BLTP3A: variants seen among roughly 807,000 people sequenced by gnomAD.
BLTP3A encodes the protein ICBP90 binding protein 1.
At chr6:34,808,105 A>C in the BLTP3A span, among the ~76,000 whole-genome samples, 24 of 152,032 alleles carry the variant, frequency 1.6e-4, no homozygotes, top group African/African-American at 5.8e-4. Flanking sequence ...GTACTTTGGG[A>C]GGCCGAGGCG....
At chr6:34,800,033 G>A in the BLTP3A span, among the ~76,000 whole-genome samples, 1 of 151,278 alleles carries the variant, frequency 6.6e-6, no homozygotes, top group African/African-American at 2.4e-5. Flanking sequence ...TAATGCTTTT[G>A]CATTGATGCT....
At chr6:34,812,333 A>C in the BLTP3A span, among the ~76,000 whole-genome samples, 1 of 151,988 alleles carries the variant, frequency 6.6e-6, no homozygotes, top group East Asian at 1.9e-4. Context: ...CGTCTTAAAA[A>C]AAAAAAAAAG....
the BLTP3A span, among the ~76,000 whole-genome samples, chr6:34,847,723 T>A: frequency 2.6e-5 from 4 of 151,490 alleles, no homozygotes; most frequent in Non-Finnish European, 4.4e-5. Flanking sequence ...ATTTTGTTTA[T>A]CTTTTCAAAA....
chr6:34,809,428 C>A, the BLTP3A span, among the ~76,000 whole-genome samples: 3 of 152,124 alleles, frequency 2.0e-5, no homozygotes, highest in East Asian at 5.8e-4. Flanking sequence ...TCATTGTGAA[C>A]AAAGATTAAT....
the BLTP3A span, among the ~76,000 whole-genome samples, chr6:34,827,319 GAAAAAAAAC>G: frequency 6.7e-6 from 1 of 149,010 alleles, no homozygotes. Flanking sequence ...CAAAAAAAAA[GAAAAAAAAC>G]AAAACAAAGA....
the BLTP3A span, chr6:34,875,447 C>G: frequency 1.9e-3 from 283 of 152,234 alleles, 1 homozygote; most frequent in African/African-American, 6.4e-3. Context: ...CTCCCCTCAC[C>G]CACCATATAC....
the BLTP3A span, among the ~76,000 whole-genome samples, chr6:34,793,014 A>G: frequency 6.6e-6 from 1 of 152,148 alleles, no homozygotes; most frequent in Admixed American, 6.5e-5. Context: ...AGGTCATGAG[A>G]GTTGGGGATA....
the BLTP3A span, among the ~76,000 whole-genome samples, chr6:34,793,785 T>C: frequency 6.6e-6 from 1 of 152,060 alleles, no homozygotes; most frequent in Admixed American, 6.5e-5. Context: ...AGAGGAGAAT[T>C]GTATAATTTG....
chr6:34,802,500 G>A, the BLTP3A span, among the ~76,000 whole-genome samples: 1 of 152,080 alleles, frequency 6.6e-6, no homozygotes, highest in African/African-American at 2.4e-5. Flanking sequence ...CTCCCAAGTA[G>A]CTGGGATTAC....
At chr6:34,859,755 A>T in the BLTP3A span, among the ~76,000 whole-genome samples, 1 of 151,998 alleles carries the variant, frequency 6.6e-6, no homozygotes, top group Non-Finnish European at 1.5e-5. Flanking sequence ...TTAGAATCAG[A>T]TTATCTCCTT....
the BLTP3A span, chr6:34,859,535 CCACCA>C: frequency 1.2e-6 from 2 of 1,614,070 alleles, no homozygotes; most frequent in Non-Finnish European, 1.7e-6. Context: ...CGAATGACCT[CCACCA>C]TGCACAAGAT....
chr6:34,822,576 G>T, the BLTP3A span, among the ~76,000 whole-genome samples: 1 of 152,010 alleles, frequency 6.6e-6, no homozygotes, highest in South Asian at 2.1e-4. Context: ...TTAGAAGTTT[G>T]GTTTGGGCCG....
At chr6:34,792,613 A>C in the BLTP3A span, among the ~76,000 whole-genome samples, 2 of 149,026 alleles carry the variant, frequency 1.3e-5, no homozygotes, top group East Asian at 2.0e-4. Context: ...CCCACCTCCC[A>C]CACCTCCAAG....
chr6:34,862,390 AT>A, the BLTP3A span, among the ~76,000 whole-genome samples: 1 of 151,880 alleles, frequency 6.6e-6, no homozygotes, highest in African/African-American at 2.4e-5. Flanking sequence ...AAAAAAAATA[AT>A]AATAAAATAA....
the BLTP3A span, among the ~76,000 whole-genome samples, chr6:34,860,338 TG>T: frequency 1.3e-5 from 2 of 152,262 alleles, no homozygotes; most frequent in South Asian, 4.1e-4. Context: ...GATTTTCCCA[TG>T]GGTGCCTCAT....
the BLTP3A span, chr6:34,823,478 C>A: frequency 1.0e-5 from 7 of 667,378 alleles, no homozygotes; most frequent in Non-Finnish European, 1.9e-5. Flanking sequence ...GGTATAAGAA[C>A]CTCCATATAC....
the BLTP3A span, among the ~76,000 whole-genome samples, chr6:34,812,531 C>T: frequency 6.6e-6 from 1 of 152,054 alleles, no homozygotes; most frequent in East Asian, 1.9e-4. Context: ...AGTGTAGAGG[C>T]ACCATCGTAG....
the BLTP3A span, chr6:34,864,326 A>AC: frequency 1.0e-6 from 1 of 987,216 alleles, no homozygotes; most frequent in Non-Finnish European, 1.4e-6. Context: ...TAATCAAGAC[A>AC]AAAAAAGAGA....
chr6:34,807,654 G>A, the BLTP3A span, among the ~76,000 whole-genome samples: 3,394 of 152,310 alleles, frequency 0.022, 55 homozygotes, highest in Middle Eastern at 0.034. Flanking sequence ...GACAGCTACC[G>A]TGGGTCTGGG....
Sources: allele counts gnomAD v4.1 joint callset (sites outside exome capture counted in the v4.1 genomes callset), GRCh38; gene constraint gnomAD v4.1.1; transcripts MANE v1.5; gene names NCBI Gene and HGNC (gene_info 2026-07-23, HGNC 2026-07-21).